HNRNPC: variants seen among roughly 807,000 people sequenced by gnomAD.
HNRNPC encodes heterogeneous nuclear ribonucleoprotein C, also known as heterogeneous nuclear ribonucleoproteins C1/C2.
HNRNPC carries 3 observed loss-of-function variants against 33.2 expected under a neutral mutation model. The ratio of observed to expected loss-of-function variants is 0.09; its 90% CI spans 0.04 to 0.23. The LOEUF (loss-of-function observed/expected upper bound fraction) is 0.23, where lower values mean the gene tolerates loss of function less well. Among genes scored for constraint, HNRNPC ranks in the 10% least tolerant of loss-of-function variants. HNRNPC has a pLI of 1.00. For missense variants in HNRNPC, 143 were observed against 366.7 expected (o/e 0.39, Z 4.98); for synonymous variants, 121 against 126.7 (o/e 0.96, Z 0.30).
chr14:21,209,850 T>C lies in HNRNPC; in HGVS notation c.*1373A>G, dbSNP rs2139428836. 1 of 152,330 alleles carries C rather than the reference T, an allele frequency of 6.6e-6. No individual in the cohort carries two copies. Among genetic ancestry groups the C allele is most frequent in the Non-Finnish European group, 1.5e-5 (1 of 68,032 alleles). The allele number at this position is 152,330 out of a possible 1,614,324, so 9.4% of individuals were successfully genotyped here. A position where few individuals can be genotyped will look rare whatever the true frequency, so the allele number is the denominator to read the frequency against. ...TGAACTAAGCCTTTCAAGGATGAGGTATCACCAACACTGGTAGCTGTTTAA... is the reference window on the plus strand; with the variant it reads ...TGAACTAAGCCTTTCAAGGATGAGGCATCACCAACACTGGTAGCTGTTTAA... On this transcript the variant is annotated 3_prime_UTR_variant, in exon 9 of 9. Transcript: ENST00000553300.
At chr14:21,220,750 G>C (rs1034682326) in intron 5 of HNRNPC, among the ~76,000 whole-genome samples, 1 of 151,980 alleles carries the variant, frequency 6.6e-6, no homozygotes, top group South Asian at 2.1e-4. Flanking sequence ...GATCAAAGCA[G>C]GGGACTTCCC....
intron 2 of HNRNPC, 79 bp from the exon 3 acceptor site, chr14:21,234,308 C>T: frequency 7.7e-7 from 1 of 1,295,644 alleles, no homozygotes; most frequent in South Asian, 1.4e-5. Flanking sequence ...CACTCTCACT[C>T]TGAATCACTG....
At chr14:21,233,108 G>A (rs1245108345) in intron 3 of HNRNPC, among the ~76,000 whole-genome samples, 2 of 151,796 alleles carry the variant, frequency 1.3e-5, no homozygotes, top group African/African-American at 2.4e-5. Flanking sequence ...TCAGGTTTTG[G>A]TACATTAACC....
chr14:21,217,245 A>T (rs1299141043), intron 5 of HNRNPC, among the ~76,000 whole-genome samples: 1 of 152,226 alleles, frequency 6.6e-6, no homozygotes, highest in Non-Finnish European at 1.5e-5. Flanking sequence ...ATCAACCAGC[A>T]AAATTTTTGT....
intron 2 of HNRNPC, among the ~76,000 whole-genome samples, chr14:21,242,928 C>T (rs1485758530): frequency 1.3e-5 from 2 of 152,108 alleles, no homozygotes; most frequent in Non-Finnish European, 2.9e-5. Flanking sequence ...AAAGCAGTGC[C>T]GGCATGGCCA....
At chr14:21,231,694 G>A (rs1322820443) in intron 3 of HNRNPC, among the ~76,000 whole-genome samples, 3 of 152,048 alleles carry the variant, frequency 2.0e-5, no homozygotes, top group African/African-American at 4.8e-5. Context: ...TACCATTCAA[G>A]TGTTCCTGAG....
rs1483572993 is a variant in HNRNPC, at chr14:21,231,237, G to A, written c.242-165C>T. 2.3e-5 allele frequency: 16 copies of A among 704,152 alleles called. No homozygotes were observed. In the South Asian group the frequency reaches 2.4e-4, roughly 10 times the overall value. 43.6% of individuals were successfully genotyped at this position (704,152 alleles called of 1,614,324 possible). On this transcript the variant is annotated intron_variant, in intron 3 of 8. Coordinates refer to ENST00000553300, the MANE Select transcript of HNRNPC (RefSeq NM_004500.4). Reference sequence around the variant, plus strand: ...GAAACCTCTACCTCCCGGTTCAAGCGATTCTCCTGCCTCAGCCTCGAGAGT... The same window carrying A: ...GAAACCTCTACCTCCCGGTTCAAGCAATTCTCCTGCCTCAGCCTCGAGAGT...
chr14:21,220,860 G>C (rs1422535680), intron 5 of HNRNPC, among the ~76,000 whole-genome samples: 1 of 151,744 alleles, frequency 6.6e-6, no homozygotes, highest in Non-Finnish European at 1.5e-5. Context: ...TATTGGCCAG[G>C]CCCAGTGGCT....
intron 5 of HNRNPC, among the ~76,000 whole-genome samples, chr14:21,224,860 T>C (rs1187492362): frequency 6.6e-6 from 1 of 152,152 alleles, no homozygotes; most frequent in East Asian, 1.9e-4. Context: ...TGCACTGACA[T>C]ATTAATATAT....
intron 2 of HNRNPC, among the ~76,000 whole-genome samples, chr14:21,252,681 C>G (rs1354970757): frequency 1.3e-5 from 2 of 151,968 alleles, no homozygotes; most frequent in Admixed American, 1.3e-4. Flanking sequence ...GTGGTTAAGT[C>G]CTAATTCTTT....
chr14:21,211,880 C>G lies in HNRNPC; in HGVS notation c.567G>C (p.Gln189His). 6.2e-7 allele frequency: 1 copy of G among 1,613,544 alleles called. No individual in the cohort carries two copies. The highest frequency in any genetic ancestry group is 8.5e-7 in the Non-Finnish European group (1 of 1,179,902). Reference protein sequence around the residue: ...DLQAIKKELTQIKQKVDSLLE... With the variant: ...DLQAIKKELTHIKQKVDSLLE... ...GGAGAGAATCCACTTTTTGTTTTATCTGGGTCAGCTCCTTCTTAATGGCCT... is the reference window on the plus strand; with the variant it reads ...GGAGAGAATCCACTTTTTGTTTTATGTGGGTCAGCTCCTTCTTAATGGCCT... Residue 189 changes from glutamine (Q) to histidine (H), a missense_variant, in exon 7 of 9, where the codon CAG (glutamine) becomes CAC (histidine). By Grantham distance (24) the Gln-to-His change is conservative. Coordinates refer to ENST00000553300, the MANE Select transcript of HNRNPC (RefSeq NM_004500.4).
intron 5 of HNRNPC, among the ~76,000 whole-genome samples, chr14:21,227,389 T>C (rs919758607): frequency 1.3e-5 from 2 of 152,224 alleles, no homozygotes; most frequent in Non-Finnish European, 2.9e-5. Context: ...ACCTAGTTGC[T>C]CCACTAGTTA....
intron 5 of HNRNPC, among the ~76,000 whole-genome samples, chr14:21,228,711 T>C (rs1232762970): frequency 6.6e-6 from 1 of 151,956 alleles, no homozygotes; most frequent in Admixed American, 6.6e-5. Context: ...TTTTTAAGAA[T>C]TTCAAAAATT....
intron 1 of HNRNPC, chr14:21,264,478 G>C (rs1161582227): frequency 6.6e-6 from 1 of 152,098 alleles, no homozygotes; most frequent in African/African-American, 2.4e-5. Context: ...AAAAAATTAA[G>C]GTCCTTATGT....
At chr14:21,218,829 T>C (rs912724784) in intron 5 of HNRNPC, among the ~76,000 whole-genome samples, 3 of 146,410 alleles carry the variant, frequency 2.0e-5, no homozygotes, top group Admixed American at 1.4e-4. Context: ...GAAAAAAAAA[T>C]TGCTGGGAGC....
At chr14:21,213,685 C>T (rs1566593523) in intron 5 of HNRNPC, among the ~76,000 whole-genome samples, 1 of 152,136 alleles carries the variant, frequency 6.6e-6, no homozygotes, top group East Asian at 1.9e-4. Context: ...TTTCATGTAA[C>T]TGAGGGAATC....
intron 5 of HNRNPC, among the ~76,000 whole-genome samples, chr14:21,224,484 C>T (rs780569933): frequency 7.2e-5 from 11 of 152,120 alleles, no homozygotes; most frequent in Non-Finnish European, 1.6e-4. Context: ...CATCTAGTCA[C>T]GAAGACAAAA....
intron 1 of HNRNPC, among the ~76,000 whole-genome samples, chr14:21,267,754 A>G (rs1323086011): frequency 6.6e-6 from 1 of 152,190 alleles, no homozygotes; most frequent in East Asian, 1.9e-4. Flanking sequence ...CCCATTTTCG[A>G]AAACCTCAAA....
intron 2 of HNRNPC, among the ~76,000 whole-genome samples, chr14:21,261,865 G>A (rs1878304867): frequency 6.6e-6 from 1 of 152,050 alleles, no homozygotes; most frequent in Non-Finnish European, 1.5e-5. Flanking sequence ...CTTCTCTTTG[G>A]CTATCCACAT....
Sources: allele counts gnomAD v4.1 joint callset (sites outside exome capture counted in the v4.1 genomes callset), GRCh38; gene constraint gnomAD v4.1.1; transcripts MANE v1.5; gene names NCBI Gene and HGNC (gene_info 2026-07-23, HGNC 2026-07-21).